The following VPS26C variants were observed in gnomAD, a reference collection of about 807,000 sequenced individuals.
VPS26C encodes the protein vacuolar protein sorting-associated protein 26C.
Under a neutral mutation model 30.6 loss-of-function variants are expected in VPS26C, and 19 were observed. That is an observed-to-expected ratio of 0.62 (90% CI 0.43 to 0.91). The LOEUF (loss-of-function observed/expected upper bound fraction) is 0.91, where lower values mean the gene tolerates loss of function less well. Ranked by LOEUF, VPS26C falls within the 40% of genes least tolerant of loss-of-function variation. The pLI, the probability that VPS26C is intolerant of heterozygous loss-of-function variation, is 0.00. For missense variants in VPS26C, 318 were observed against 385.1 expected (o/e 0.83, Z 1.46); for synonymous variants, 132 against 151.5 (o/e 0.87, Z 0.95).
chr21:37,262,278 C>T (rs188356282), intron 1 of VPS26C, among the ~76,000 whole-genome samples: 3 of 152,316 alleles, frequency 2.0e-5, no homozygotes, highest in African/African-American at 7.2e-5. Flanking sequence ...ATTGTCTATT[C>T]CTCATGACTG....
chr21:37,262,323 ACTCAGTTT>A (rs890865073), intron 1 of VPS26C, among the ~76,000 whole-genome samples: 1 of 152,198 alleles, frequency 6.6e-6, no homozygotes, highest in Non-Finnish European at 1.5e-5. Flanking sequence ...TTAGTTTAAC[ACTCAGTTT>A]TCAAAACTAG....
At position 37,225,495 on chromosome 21, in the gene VPS26C, C is replaced by G. The variant is rs372301286; in HGVS notation, c.*49G>C. 343 of 1,525,128 alleles carry G rather than the reference C, an allele frequency of 2.2e-4. 1 individual carries two copies. Among genetic ancestry groups the G allele is most frequent in the Non-Finnish European group, 2.5e-4 (275 of 1,099,372 alleles). 94.5% of individuals were successfully genotyped at this position (1,525,128 alleles called of 1,614,324 possible). On this transcript the variant is annotated 3_prime_UTR_variant, in exon 8 of 8. Transcript: ENST00000309117. ...CTCCCCTTAGGATTTGGATAACCAG[C>G]TGGATTTCCAGATGGCCACTCCCGT...
At chr21:37,249,319 TGAA>T in intron 1 of VPS26C, among the ~76,000 whole-genome samples, 1 of 152,184 alleles carries the variant, frequency 6.6e-6, no homozygotes, top group African/African-American at 2.4e-5. Context: ...GGGAATCCAC[TGAA>T]AAACTACTAT....
intron 1 of VPS26C, among the ~76,000 whole-genome samples, chr21:37,259,931 C>CTGCGGCCACCACA: frequency 6.6e-6 from 1 of 152,102 alleles, no homozygotes; most frequent in African/African-American, 2.4e-5. Flanking sequence ...ATGCCACCAC[C>CTGCGGCCACCACA]TATTACTGCG....
intron 3 of VPS26C, among the ~76,000 whole-genome samples, chr21:37,237,983 C>T (rs1457060710): frequency 6.6e-6 from 1 of 152,212 alleles, no homozygotes; most frequent in East Asian, 1.9e-4. Flanking sequence ...AAAGACGTCC[C>T]TTAACCAGCA....
At chr21:37,227,410 G>A (rs957289313) in intron 7 of VPS26C, 2 of 525,920 alleles carry the variant, frequency 3.8e-6, no homozygotes, top group Non-Finnish European at 6.9e-6. Flanking sequence ...CCATGTGACA[G>A]TGGAAGTCCC....
At chr21:37,255,147 G>C (rs1400773803) in intron 1 of VPS26C, among the ~76,000 whole-genome samples, 1 of 152,152 alleles carries the variant, frequency 6.6e-6, no homozygotes, top group Non-Finnish European at 1.5e-5. Context: ...TATCATGACT[G>C]TATTTTTTTT....
intron 3 of VPS26C, among the ~76,000 whole-genome samples, chr21:37,236,253 G>C (rs1300463030): frequency 6.6e-6 from 1 of 152,152 alleles, no homozygotes; most frequent in Admixed American, 6.5e-5. Flanking sequence ...GGACCCGCAG[G>C]CTGAGGCTGG....
chr21:37,239,516 C>T (rs2086062255), intron 2 of VPS26C, among the ~76,000 whole-genome samples: 1 of 152,060 alleles, frequency 6.6e-6, no homozygotes, highest in Non-Finnish European at 1.5e-5. Flanking sequence ...TCAACAGTAG[C>T]ATAGACACAG....
At chr21:37,227,548 G>C in intron 7 of VPS26C, 106 bp downstream of exon 7, 1 of 1,328,758 alleles carries the variant, frequency 7.5e-7, no homozygotes, top group African/African-American at 1.5e-5. Flanking sequence ...CTGGCACTGA[G>C]GGACCGAAGG....
chr21:37,240,611 GATATGA>G lies in VPS26C; in HGVS notation c.80_85del (p.Val27_Ser29delinsAla). The G allele has an allele frequency of 1.2e-6, 2 of 1,614,112 alleles. No homozygotes were observed. The highest frequency in any genetic ancestry group is 1.7e-6 in the Non-Finnish European group (2 of 1,180,008). Reference sequence around the variant, plus strand: ...CTGGTGTTGGACTGAATCCTTACTCGATATGACCACCACGCCAGAGAGCACTTCCTG... The same window carrying G: ...CTGGTGTTGGACTGAATCCTTACTCGCCACCACGCCAGAGAGCACTTCCTG... On this transcript the variant is annotated inframe_deletion, in exon 2 of 8. Transcript: ENST00000309117.
At position 37,224,840 on chromosome 21, in the gene VPS26C, C is replaced by T. The variant is rs539681542; in HGVS notation, c.*704G>A. The stretch of plus-strand genomic sequence containing the variant: ...CTCTACTAAAAATACAAACATTAGC[C>T]GGGCACGGTGGCAGTCACCTGTAAT... On this transcript the variant is annotated 3_prime_UTR_variant, in exon 8 of 8. Transcript: ENST00000309117. 2.6e-4 allele frequency: 39 copies of T among 152,266 alleles called. No homozygotes were observed. Among genetic ancestry groups the T allele is most frequent in the Admixed American group, 1.4e-3 (22 of 15,284 alleles). The allele number at this position is 152,266 out of a possible 1,614,324, so 9.4% of individuals were successfully genotyped here. A position where few individuals can be genotyped will look rare whatever the true frequency, so the allele number is the denominator to read the frequency against.
intron 1 of VPS26C, among the ~76,000 whole-genome samples, chr21:37,247,384 G>C (rs1569237979): frequency 6.6e-6 from 1 of 152,164 alleles, no homozygotes; most frequent in African/African-American, 2.4e-5. Context: ...ATTTACCATT[G>C]TTCACAGTAG....
At chr21:37,267,417 C>T, upstream of VPS26C, 1 of 827,372 alleles carries the variant, frequency 1.2e-6, no homozygotes, top group South Asian at 1.5e-5. Flanking sequence ...GCTCACGTGA[C>T]CTCGCAGCGG....
At chr21:37,232,628 G>C in intron 4 of VPS26C, 177 bp from the exon 5 acceptor site, 1 of 612,712 alleles carries the variant, frequency 1.6e-6, no homozygotes. Flanking sequence ...CCATCTTGCT[G>C]AAACTCAGTT....
At chr21:37,251,431 A>C (rs1423605198) in intron 1 of VPS26C, among the ~76,000 whole-genome samples, 1 of 152,220 alleles carries the variant, frequency 6.6e-6, no homozygotes, top group Admixed American at 6.5e-5. Context: ...TTGCATATGA[A>C]TCAGCATGTC....
intron 1 of VPS26C, among the ~76,000 whole-genome samples, chr21:37,258,205 C>G (rs2086265044): frequency 6.6e-6 from 1 of 152,232 alleles, no homozygotes; most frequent in African/African-American, 2.4e-5. Flanking sequence ...CCCCGGCGTC[C>G]GGCAGCAGCA....
rs570330205 is a variant in VPS26C, at chr21:37,234,392, A to G, written c.352-950T>C. Among the ~76,000 whole-genome samples the G allele has an allele frequency of 2.6e-5, 4 of 152,306 alleles. No individual in the cohort carries two copies. The East Asian group carries it at 7.7e-4, about 29-fold the overall frequency. On this transcript the variant is annotated intron_variant, in intron 3 of 7. Coordinates refer to ENST00000309117, the MANE Select transcript of VPS26C (RefSeq NM_006052.2). ...TTAGTTTTCTGAGCTGGTTGCTACC[A>G]TGGTGCCTACTGCAAGGTGAGCTCT...
At chr21:37,241,337 C>G (rs900448915) in intron 1 of VPS26C, among the ~76,000 whole-genome samples, 2 of 152,178 alleles carry the variant, frequency 1.3e-5, no homozygotes, top group Non-Finnish European at 2.9e-5. Context: ...GTGCATTTAT[C>G]TGAAGATAAT....
Sources: gnomAD v4.1 joint callset for allele counts (sites outside exome capture counted in the v4.1 genomes callset) on GRCh38, gnomAD v4.1.1 for gene constraint, MANE v1.5 for transcripts, NCBI Gene and HGNC (gene_info 2026-07-23, HGNC 2026-07-21) for gene names.